The following REEP5 variants were observed in gnomAD, a reference collection of about 807,000 sequenced individuals.
REEP5 encodes the protein receptor expression-enhancing protein 5.
A neutral mutation model predicts 22.4 loss-of-function variants in REEP5; 24 were observed. The ratio of observed to expected loss-of-function variants is 1.07; its 90% CI spans 0.78 to 1.51. The LOEUF is 1.51. Among genes scored for constraint, REEP5 ranks in the 40% most tolerant of loss-of-function variants. The probability of loss-of-function intolerance (pLI) is 0.00; values close to 1 mark genes in which losing one functional copy is unlikely to be tolerated. For missense variants in REEP5, 252 were observed against 233.0 expected (o/e 1.08, Z -0.53); for synonymous variants, 103 against 88.6 (o/e 1.16, Z -0.92).
intron 3 of REEP5, 65 bp from the exon 4 acceptor site, chr5:112,887,248 A>G: frequency 7.3e-7 from 1 of 1,366,200 alleles, no homozygotes; most frequent in Middle Eastern, 2.8e-4. Context: ...GAGAATACAC[A>G]CTGTCTTTCA....
At chr5:112,917,974 T>A (rs1368572828) in intron 2 of REEP5, among the ~76,000 whole-genome samples, 1 of 152,164 alleles carries the variant, frequency 6.6e-6, no homozygotes, top group Non-Finnish European at 1.5e-5. Context: ...ACTTTAAAAG[T>A]GTACAATTTA....
At position 112,876,914 on chromosome 5, in the gene REEP5, C is replaced by A. The variant is rs1279400488; in HGVS notation, c.*1872G>T. On this transcript the variant is annotated 3_prime_UTR_variant, in exon 5 of 5. Coordinates refer to ENST00000379638, the MANE Select transcript of REEP5 (RefSeq NM_005669.5). ...ATTATGAGCAATAGTAACTTTTGTA[C>A]CTCCTCATCTTGTCTGATAATATAT... 1.3e-5 allele frequency: 2 copies of A among 152,018 alleles called. No homozygotes were observed. Among genetic ancestry groups the A allele is most frequent in the Non-Finnish European group, 2.9e-5 (2 of 67,986 alleles). 9.4% of individuals were successfully genotyped at this position (152,018 alleles called of 1,614,324 possible).
At chr5:112,900,854 T>TA (rs1768824117) in intron 3 of REEP5, among the ~76,000 whole-genome samples, 1 of 151,958 alleles carries the variant, frequency 6.6e-6, no homozygotes, top group Non-Finnish European at 1.5e-5. Flanking sequence ...TTTTTTTTTT[T>TA]AGAGATGGAG....
chr5:112,921,832 G>A, intron 1 of REEP5: 1 of 404,016 alleles, frequency 2.5e-6, no homozygotes, highest in Non-Finnish European at 4.4e-6. Flanking sequence ...GGCCCTTCCA[G>A]CTGCCAGCGC....
intron 3 of REEP5, chr5:112,892,506 TTCTC>T (rs1491288984): frequency 6.2e-7 from 1 of 1,614,056 alleles, no homozygotes; most frequent in Non-Finnish European, 8.5e-7. Flanking sequence ...AAGCAGCCCT[TTCTC>T]TGTTTAACGG....
intron 2 of REEP5, among the ~76,000 whole-genome samples, chr5:112,913,769 T>G (rs1355509250): frequency 6.6e-6 from 1 of 152,146 alleles, no homozygotes; most frequent in African/African-American, 2.4e-5. Context: ...AAGACTGAAT[T>G]GGTCCCAACA....
chr5:112,918,404 G>A (rs1357833903), intron 2 of REEP5, among the ~76,000 whole-genome samples: 1 of 152,116 alleles, frequency 6.6e-6, no homozygotes, highest in Non-Finnish European at 1.5e-5. Flanking sequence ...GGAGTCCAAA[G>A]GGAGAAAAGC....
intron 3 of REEP5, chr5:112,893,099 A>T (rs1768548455): frequency 1.2e-5 from 4 of 338,804 alleles, no homozygotes; most frequent in Middle Eastern, 1.2e-3. Flanking sequence ...GTTCTTAAAA[A>T]AAAAAAAAAA....
chr5:112,920,491 AT>A (rs1481663735), intron 2 of REEP5, among the ~76,000 whole-genome samples: 7 of 152,248 alleles, frequency 4.6e-5, no homozygotes, highest in South Asian at 2.1e-4. Flanking sequence ...ATTAAAAAAA[AT>A]AAACACATTG....
rs372780144 is a variant in REEP5, at chr5:112,919,850, T to TTCACAGG, written c.212+1306_212+1312dup. 2.8e-3 allele frequency among the ~76,000 whole-genome samples: 425 copies of TTCACAGG among 152,306 alleles called. 2 individuals carry two copies. The highest frequency in any genetic ancestry group is 8.9e-3 in the African/African-American group (371 of 41,564). ...GCAGCCCAAGCAGACTAAGACAGTG[T>TTCACAGG]TCACAGGTCACACTTTAAGCAACAT... On this transcript the variant is annotated intron_variant, in intron 2 of 4. Coordinates refer to ENST00000379638, the MANE Select transcript of REEP5 (RefSeq NM_005669.5).
chr5:112,906,188 A>G (rs1768952964), intron 2 of REEP5, among the ~76,000 whole-genome samples: 1 of 152,220 alleles, frequency 6.6e-6, no homozygotes, highest in Admixed American at 6.5e-5. Context: ...AACCTTCATA[A>G]TAGCCATGTA....
chr5:112,913,395 A>T (rs1384991152), intron 2 of REEP5, among the ~76,000 whole-genome samples: 1 of 150,616 alleles, frequency 6.6e-6, no homozygotes, highest in Non-Finnish European at 1.5e-5. Context: ...AAGAAAGAGA[A>T]AGAAAGAAAA....
rs937020817 is a variant in REEP5 at position 112,914,548 on chromosome 5, G to C, written c.212+6615C>G. ...TGATGGTAAAAAAGATTAATGCCAGGAGCAATAAAAGAGCAGATGCAAATC... is the reference window on the plus strand; with the variant it reads ...TGATGGTAAAAAAGATTAATGCCAGCAGCAATAAAAGAGCAGATGCAAATC... On this transcript the variant is annotated intron_variant, in intron 2 of 4. Coordinates refer to ENST00000379638, the MANE Select transcript of REEP5 (RefSeq NM_005669.5). Among the ~76,000 whole-genome samples, 56 of 152,126 alleles carry C rather than the reference G, an allele frequency of 3.7e-4. 1 individual carries two copies. The highest frequency in any genetic ancestry group is 1.3e-3 in the African/African-American group (55 of 41,406).
chr5:112,901,105 C>CT (rs995865186), intron 3 of REEP5, among the ~76,000 whole-genome samples: 2 of 152,068 alleles, frequency 1.3e-5, no homozygotes, highest in Non-Finnish European at 2.9e-5. Context: ...TCCCAAAGTG[C>CT]TAGAATTGCA....
intron 2 of REEP5, among the ~76,000 whole-genome samples, chr5:112,912,689 A>G (rs1769132041): frequency 6.6e-6 from 1 of 152,198 alleles, no homozygotes; most frequent in Non-Finnish European, 1.5e-5. Context: ...TGGCAGACAC[A>G]TAACTTGACC....
intron 3 of REEP5, among the ~76,000 whole-genome samples, chr5:112,890,297 C>CA (rs1349710141): frequency 7.0e-6 from 1 of 142,298 alleles, no homozygotes; most frequent in Admixed American, 7.0e-5. Flanking sequence ...CTCAAAAAGA[C>CA]AAAAAAAAGT....
intron 3 of REEP5, chr5:112,895,295 A>C (rs1768649221): frequency 6.7e-6 from 1 of 149,748 alleles, no homozygotes; most frequent in Non-Finnish European, 1.5e-5. Flanking sequence ...ACTTTAGGCA[A>C]ATCAACCTAA....
At chr5:112,901,883 A>T (rs1768856228) in intron 3 of REEP5, among the ~76,000 whole-genome samples, 1 of 151,770 alleles carries the variant, frequency 6.6e-6, no homozygotes, top group Admixed American at 6.6e-5. Context: ...GAATTGCTTG[A>T]ACCTGGGGGG....
intron 3 of REEP5, among the ~76,000 whole-genome samples, chr5:112,891,192 C>T (rs373116274): frequency 1.4e-5 from 2 of 142,014 alleles, no homozygotes; most frequent in Admixed American, 7.1e-5. Context: ...CCTGCCTCAG[C>T]CTCCCAAGTA....
Sources: allele counts gnomAD v4.1 joint callset (sites outside exome capture counted in the v4.1 genomes callset), GRCh38; gene constraint gnomAD v4.1.1; transcripts MANE v1.5; gene names NCBI Gene and HGNC (gene_info 2026-07-23, HGNC 2026-07-21).